The following BCAT1 variants were observed in gnomAD, a reference collection of about 807,000 sequenced individuals.
BCAT1 encodes the protein branched chain amino acid transaminase 1.
BCAT1 carries 48 observed loss-of-function variants against 52.4 expected under a neutral mutation model. The observed-to-expected ratio is 0.92, with a 90% CI of 0.73 to 1.16. BCAT1 has a LOEUF of 1.16. Ranked by LOEUF, BCAT1 falls within the 50% of genes most tolerant of loss-of-function variation. BCAT1 has a pLI of 0.00. For synonymous variants in BCAT1, 167 were observed against 161.3 expected (o/e 1.04, Z -0.27); for missense variants, 451 against 457.1 (o/e 0.99, Z 0.12).
intron 3 of BCAT1, among the ~76,000 whole-genome samples, chr12:24,885,551 CT>C (rs1250505512): frequency 2.6e-5 from 4 of 152,110 alleles, no homozygotes; most frequent in African/African-American, 9.7e-5. Flanking sequence ...AGTTTATCGA[CT>C]TGATAAACCA....
At chr12:24,831,437 TCAAGAGTTTGAGA>T (rs1940662126) in intron 9 of BCAT1, among the ~76,000 whole-genome samples, 1 of 152,118 alleles carries the variant, frequency 6.6e-6, no homozygotes, top group African/African-American at 2.4e-5. Flanking sequence ...TCACTTGAAC[TCAAGAGTTTGAGA>T]CCAGCCTGTG....
At chr12:24,904,216 G>A (rs1163443121) in intron 1 of BCAT1, 1 of 152,376 alleles carries the variant, frequency 6.6e-6, no homozygotes, top group Non-Finnish European at 1.5e-5. Context: ...TGTCCTTGTT[G>A]TTTTGAGACG....
rs12366411 is a variant in BCAT1, at chr12:24,816,879, T to C, written c.*1129A>G. The C allele has an allele frequency of 0.014, 3,927 of 275,230 alleles. 45 individuals are homozygous for C. The highest frequency in any genetic ancestry group is 0.031 in the Middle Eastern group (32 of 1,024). The allele number at this position is 275,230 out of a possible 1,614,324, so 17.0% of individuals were successfully genotyped here. On this transcript the variant is annotated 3_prime_UTR_variant, in exon 11 of 11. Coordinates refer to ENST00000261192, the MANE Select transcript of BCAT1 (RefSeq NM_005504.7). ...GTTCACAATAGGATTTGTGCTCCTA[T>C]GAGAATCTAATGCTGCCACTGAGCT...
chr12:24,876,534 C>A (rs945557314), intron 5 of BCAT1, among the ~76,000 whole-genome samples: 2 of 151,986 alleles, frequency 1.3e-5, no homozygotes, highest in Non-Finnish European at 2.9e-5. Context: ...TTGACAAAAT[C>A]CAACATCCAT....
At chr12:24,871,063 T>C (rs1415068890) in intron 5 of BCAT1, among the ~76,000 whole-genome samples, 3 of 152,054 alleles carry the variant, frequency 2.0e-5, no homozygotes, top group Admixed American at 1.3e-4. Flanking sequence ...AGTTAGTGCA[T>C]GGAAAGCACT....
intron 6 of BCAT1, among the ~76,000 whole-genome samples, chr12:24,844,894 C>CAAAAAAAA (rs11318750): frequency 0.068 from 2,459 of 35,972 alleles, 167 homozygotes; most frequent in Admixed American, 0.077. Flanking sequence ...GAGACTGTCT[C>CAAAAAAAA]AAAAAAAAAA....
chr12:24,873,489 G>A (rs1239947217), intron 5 of BCAT1, among the ~76,000 whole-genome samples: 1 of 152,132 alleles, frequency 6.6e-6, no homozygotes, highest in Non-Finnish European at 1.5e-5. Flanking sequence ...TTAAATATTT[G>A]TGTACCATAC....
intron 3 of BCAT1, among the ~76,000 whole-genome samples, chr12:24,887,261 G>A (rs950422994): frequency 9.9e-5 from 15 of 151,090 alleles, no homozygotes; most frequent in African/African-American, 3.4e-4. Context: ...GTAGCACAGG[G>A]CAGAACTGGG....
chr12:24,949,011 G>A lies in BCAT1; in HGVS notation c.-79C>T, dbSNP rs1172409693. 6 of 1,500,150 alleles carry A rather than the reference G, an allele frequency of 4.0e-6. No individual in the cohort carries two copies. The highest frequency in any genetic ancestry group is 1.8e-4 in the Middle Eastern group (1 of 5,446). 92.9% of individuals were successfully genotyped at this position (1,500,150 alleles called of 1,614,324 possible). On this transcript the variant is annotated 5_prime_UTR_variant, in exon 1 of 11. Coordinates refer to ENST00000261192, the MANE Select transcript of BCAT1 (RefSeq NM_005504.7). ...GTCGTAGCCCCTGGCCGTGTGGACC[G>A]GGTCTGCGGCTGCAGAGCGCGGTCC...
chr12:24,918,274 CT>C (rs1943448636), intron 1 of BCAT1, among the ~76,000 whole-genome samples: 1 of 152,198 alleles, frequency 6.6e-6, no homozygotes, highest in South Asian at 2.1e-4. Context: ...GCTAAGTACT[CT>C]TCTAAGAACC....
At chr12:24,923,501 G>A (rs534159330) in intron 1 of BCAT1, among the ~76,000 whole-genome samples, 52 of 152,246 alleles carry the variant, frequency 3.4e-4, no homozygotes, top group South Asian at 2.3e-3. Flanking sequence ...TGCAACCTCT[G>A]CCTCCCAGGA....
intron 1 of BCAT1, among the ~76,000 whole-genome samples, chr12:24,913,269 G>C (rs1296663746): frequency 6.6e-6 from 1 of 152,146 alleles, no homozygotes; most frequent in East Asian, 1.9e-4. Context: ...TAGTGTTAAT[G>C]AGACAAAATA....
chr12:24,928,795 G>C (rs1943635064), intron 1 of BCAT1, among the ~76,000 whole-genome samples: 1 of 151,944 alleles, frequency 6.6e-6, no homozygotes, highest in Non-Finnish European at 1.5e-5. Flanking sequence ...GAGTGCAATG[G>C]TGCAATCTCA....
chr12:24,938,710 C>A (rs574950053), intron 1 of BCAT1, among the ~76,000 whole-genome samples: 237 of 152,126 alleles, frequency 1.6e-3, no homozygotes, highest in African/African-American at 5.4e-3. Flanking sequence ...AGTGCTCTTA[C>A]CCCCATGTTC....
chr12:24,928,471 T>C (rs1372271054), intron 1 of BCAT1, among the ~76,000 whole-genome samples: 2 of 151,856 alleles, frequency 1.3e-5, no homozygotes, highest in Admixed American at 1.3e-4. Flanking sequence ...ATCTGGTCTC[T>C]ATAAGAAATA....
intron 6 of BCAT1, among the ~76,000 whole-genome samples, chr12:24,844,431 CAAAAAAATAAAT>C (rs889064376): frequency 6.6e-6 from 1 of 150,654 alleles, no homozygotes; most frequent in African/African-American, 2.4e-5. Flanking sequence ...AATTCCGTCT[CAAAAAAATAAAT>C]AAATAAATAA....
rs1315523996 is a variant in BCAT1 at position 24,947,704 on chromosome 12, C to T, written c.6+1223G>A. Reference sequence around the variant, plus strand: ...GAAGGGACAGGGGTTTTTGGACCTACAAAAACGCGTAATTAACCACAACTG... The same window carrying T: ...GAAGGGACAGGGGTTTTTGGACCTATAAAAACGCGTAATTAACCACAACTG... On this transcript the variant is annotated intron_variant, in intron 1 of 10. Transcript: ENST00000261192. Among the ~76,000 whole-genome samples, 28 of 152,158 alleles carry T rather than the reference C, an allele frequency of 1.8e-4. 1 individual carries two copies. The highest frequency in any genetic ancestry group is 1.8e-3 in the Admixed American group (28 of 15,274).
In BCAT1 at chr12:24,812,422, A is replaced by G. The variant is rs1939719051; in HGVS notation, c.*5586T>C. 6.6e-6 allele frequency: 1 copy of G among 152,068 alleles called. No individual in the cohort carries two copies. Among genetic ancestry groups the G allele is most frequent in the Non-Finnish European group, 1.5e-5 (1 of 67,924 alleles). The allele number at this position is 152,068 out of a possible 1,614,324, so 9.4% of individuals were successfully genotyped here. The stretch of plus-strand genomic sequence containing the variant: ...AATGGTTGAAGAAATGACACAATAG[A>G]TATTACTTACTATGCTATTATAAAA... On this transcript the variant is annotated 3_prime_UTR_variant, in exon 11 of 11. Transcript: ENST00000261192.
Position 24,894,312 on chromosome 12 carries a change from A to C in BCAT1, c.242T>G (p.Leu81Trp). The change falls in exon 3 of 11, where the codon TTG becomes TGG. Residue 81 changes from leucine to tryptophan, a missense_variant. Leu to Trp is a moderately conservative substitution (Grantham distance 61, BLOSUM62 -2). Coordinates refer to ENST00000261192, the MANE Select transcript of BCAT1 (RefSeq NM_005504.7). ...PHIKPLQNLS[L>W]HPGSSALHYA... Reference sequence around the variant, plus strand: ...GTGCAAAGCTGATGAGCCAGGGTGCAATGACAGGTTCTGAAGAGGCTTGAT... The same window carrying C: ...GTGCAAAGCTGATGAGCCAGGGTGCCATGACAGGTTCTGAAGAGGCTTGAT... 6.2e-7 allele frequency: 1 copy of C among 1,613,842 alleles called. No individual in the cohort carries two copies. Among genetic ancestry groups the C allele is most frequent in the East Asian group, 2.2e-5 (1 of 44,886 alleles).
Sources: gnomAD v4.1 joint callset for allele counts (sites outside exome capture counted in the v4.1 genomes callset) on GRCh38, gnomAD v4.1.1 for gene constraint, MANE v1.5 for transcripts, NCBI Gene and HGNC (gene_info 2026-07-23, HGNC 2026-07-21) for gene names.